SEC61G: variants seen among roughly 807,000 people sequenced by gnomAD.
SEC61G encodes protein transport protein Sec61 subunit gamma.
SEC61G carries 4 observed loss-of-function variants against 7.5 expected under a neutral mutation model. The observed-to-expected ratio is 0.54, with a 90% CI of 0.26 to 1.22. SEC61G has a LOEUF of 1.22. Among genes scored for constraint, SEC61G ranks in the 50% most tolerant of loss-of-function variants. The pLI is 0.12. For missense variants in SEC61G, 53 were observed against 84.6 expected (o/e 0.63, Z 1.46); for synonymous variants, 24 against 24.4 (o/e 0.98, Z 0.05).
At chr7:54,755,728 A>C (rs1208172611) in intron 3 of SEC61G, 51 bp downstream of exon 3, 3 of 1,029,552 alleles carry the variant, frequency 2.9e-6, no homozygotes, top group Non-Finnish European at 4.3e-6. Context: ...TGTCATCTCA[A>C]ATGGTTTTGA....
chr7:54,753,439 T>C (rs1428017795), intron 3 of SEC61G, among the ~76,000 whole-genome samples: 1 of 152,190 alleles, frequency 6.6e-6, no homozygotes, highest in African/African-American at 2.4e-5. Flanking sequence ...TGAATATTAA[T>C]TTTGATTGCT....
intron 3 of SEC61G, among the ~76,000 whole-genome samples, chr7:54,752,865 C>T (rs1791441458): frequency 6.6e-6 from 1 of 152,162 alleles, no homozygotes; most frequent in Non-Finnish European, 1.5e-5. Flanking sequence ...CTGGGTTAGT[C>T]ATGATGAAAA....
Position 54,759,193 on chromosome 7 carries a change from A to T in SEC61G, c.-42T>A. The T allele has an allele frequency of 3.9e-6, 2 of 519,066 alleles. No homozygotes were observed. The highest frequency in any genetic ancestry group is 2.8e-5 in the South Asian group (2 of 71,592). 32.2% of individuals were successfully genotyped at this position (519,066 alleles called of 1,614,324 possible). A position where few individuals can be genotyped will look rare whatever the true frequency, so the allele number is the denominator to read the frequency against. On this transcript the variant is annotated 5_prime_UTR_variant, in exon 1 of 4. Transcript: ENST00000352861. Reference sequence around the variant, plus strand: ...GACACCTAAAATGCCAGGGACACGTAGCACTGGAGCTTGCTGATGGAGGCC... The same window carrying T: ...GACACCTAAAATGCCAGGGACACGTTGCACTGGAGCTTGCTGATGGAGGCC...
intron 2 of SEC61G, 129 bp downstream of exon 2, chr7:54,757,366 T>A: frequency 1.5e-6 from 1 of 683,186 alleles, no homozygotes; most frequent in Non-Finnish European, 2.4e-6. Flanking sequence ...GTTAAAAAGC[T>A]GTCGCGCAGG....
At chr7:54,756,691 T>C (rs900586370) in intron 2 of SEC61G, among the ~76,000 whole-genome samples, 1 of 152,068 alleles carries the variant, frequency 6.6e-6, no homozygotes, top group Non-Finnish European at 1.5e-5. Context: ...ACTGGTAATG[T>C]TGTCATTTTA....
At position 54,759,194 on chromosome 7, in the gene SEC61G, G is replaced by C; in HGVS notation, c.-43C>G. 1 of 519,084 alleles carries C rather than the reference G, an allele frequency of 1.9e-6. No individual in the cohort carries two copies. The highest frequency in any genetic ancestry group is 3.8e-6 in the Non-Finnish European group (1 of 259,876). The allele number at this position is 519,084 out of a possible 1,614,324, so 32.2% of individuals were successfully genotyped here. A position where few individuals can be genotyped will look rare whatever the true frequency, so the allele number is the denominator to read the frequency against. ...ACACCTAAAATGCCAGGGACACGTA[G>C]CACTGGAGCTTGCTGATGGAGGCCC... On this transcript the variant is annotated 5_prime_UTR_variant, in exon 1 of 4. Transcript: ENST00000352861.
chr7:54,752,990 A>C (rs927040802), intron 3 of SEC61G, among the ~76,000 whole-genome samples: 5 of 152,228 alleles, frequency 3.3e-5, no homozygotes, highest in African/African-American at 1.2e-4. Flanking sequence ...CATTACCAGA[A>C]GAAAATTATA....
rs570274295 is a variant in SEC61G at position 54,759,070 on chromosome 7, C to G, written c.-7+88G>C. 321 of 431,472 alleles carry G rather than the reference C, an allele frequency of 7.4e-4. 4 individuals are homozygous for G. Among genetic ancestry groups the G allele is most frequent in the South Asian group, 4.9e-3 (306 of 62,064 alleles). 26.7% of individuals were successfully genotyped at this position (431,472 alleles called of 1,614,324 possible). A position where few individuals can be genotyped will look rare whatever the true frequency, so the allele number is the denominator to read the frequency against. On this transcript the variant is annotated intron_variant, in intron 1 of 3. Transcript: ENST00000352861. ...CCCGCGACGGCCGCCCGGGGAGACA[C>G]GCCGGCTCGCCCACGCCCGCTGCCC... is the stretch of plus-strand genomic sequence containing the variant.
At chr7:54,756,839 T>C (rs954364195) in intron 2 of SEC61G, among the ~76,000 whole-genome samples, 8 of 151,432 alleles carry the variant, frequency 5.3e-5, no homozygotes, top group Non-Finnish European at 1.2e-4. Context: ...CAATAATTTG[T>C]TTATGACAGT....
chr7:54,752,504 CTT>C, intron 3 of SEC61G, 84 bp from the exon 4 acceptor site: 1 of 826,312 alleles, frequency 1.2e-6, no homozygotes, highest in African/African-American at 1.8e-5. Flanking sequence ...TATGCTATAA[CTT>C]TAACGGCTCA....
rs1425329524 is a variant in SEC61G at position 54,757,556 on chromosome 7, A to G, written c.33T>C (p.Ser11=). The change falls in exon 2 of 4, where the codon AGT becomes AGC. Residue 11 remains serine (S), a synonymous_variant. Coordinates refer to ENST00000352861, the MANE Select transcript of SEC61G (RefSeq NM_014302.4). MDQVMQFVEP[S]RQFVKDSIRL... Reference sequence around the variant, plus strand: ...GAATGGAGTCCTTTACAAACTGCCGACTTGGCTCAACAAACTGCATTACCT... The same window carrying G: ...GAATGGAGTCCTTTACAAACTGCCGGCTTGGCTCAACAAACTGCATTACCT... 1.2e-6 allele frequency: 2 copies of G among 1,614,136 alleles called. No homozygotes were observed. Among genetic ancestry groups the G allele is most frequent in the South Asian group, 1.1e-5 (1 of 91,082 alleles).
intron 3 of SEC61G, among the ~76,000 whole-genome samples, chr7:54,752,888 T>G (rs1791441884): frequency 6.6e-6 from 1 of 152,214 alleles, no homozygotes; most frequent in South Asian, 2.1e-4. Context: ...AAAATCACCT[T>G]TTCTACAGAA....
At chr7:54,755,949 C>T (rs771886363) in intron 2 of SEC61G, 68 bp from the exon 3 acceptor site, 27 of 815,070 alleles carry the variant, frequency 3.3e-5, no homozygotes, top group Non-Finnish European at 5.3e-5. Flanking sequence ...AAAAAACTAT[C>T]AGCAACATAA....
chr7:54,759,190 C>G lies in SEC61G; in HGVS notation c.-39G>C, dbSNP rs1163655991. On this transcript the variant is annotated 5_prime_UTR_variant, in exon 1 of 4. Coordinates refer to ENST00000352861, the MANE Select transcript of SEC61G (RefSeq NM_014302.4). ...ACCGACACCTAAAATGCCAGGGACA[C>G]GTAGCACTGGAGCTTGCTGATGGAG... 1 of 519,058 alleles carries G rather than the reference C, an allele frequency of 1.9e-6. No homozygotes were observed. The highest frequency in any genetic ancestry group is 1.4e-5 in the South Asian group (1 of 71,594). The allele number at this position is 519,058 out of a possible 1,614,324, so 32.2% of individuals were successfully genotyped here.
chr7:54,753,071 C>T (rs1177666277), intron 3 of SEC61G, among the ~76,000 whole-genome samples: 1 of 152,100 alleles, frequency 6.6e-6, no homozygotes, highest in Non-Finnish European at 1.5e-5. Flanking sequence ...AGGCAGATCA[C>T]CTGAGGTCAG....
chr7:54,753,292 CAA>C, intron 3 of SEC61G, among the ~76,000 whole-genome samples: 1 of 150,996 alleles, frequency 6.6e-6, no homozygotes, highest in Non-Finnish European at 1.5e-5. Context: ...GACTCCATCT[CAA>C]AAAAAAGAGA....
At position 54,755,677 on chromosome 7, in the gene SEC61G, A is replaced by G. The variant is rs1583714986; in HGVS notation, c.197+102T>C. On this transcript the variant is annotated intron_variant, in intron 3 of 3. Coordinates refer to ENST00000352861, the MANE Select transcript of SEC61G (RefSeq NM_014302.4). ...TATCAGTAGACTCCAACAGCACTAA[A>G]AAGTCAAGAGATGCATCTCTATATT... 3 of 548,364 alleles carry G rather than the reference A, an allele frequency of 5.5e-6. No homozygotes were observed. In the East Asian group the frequency reaches 9.3e-5, roughly 17 times the overall value. 34.0% of individuals were successfully genotyped at this position (548,364 alleles called of 1,614,324 possible).
intron 2 of SEC61G, among the ~76,000 whole-genome samples, chr7:54,756,967 ATATATAC>A (rs67352168): frequency 0.18 from 26,619 of 147,008 alleles, 2,862 homozygotes; most frequent in South Asian, 0.31. Flanking sequence ...ACTATATACT[ATATATAC>A]TATATACTAT....
rs916997370 is a variant in SEC61G at position 54,758,996 on chromosome 7, G to A, written c.-7+162C>T. On this transcript the variant is annotated intron_variant, in intron 1 of 3. Transcript: ENST00000352861. ...CCGCCAGAGGCCGAGTTGGTGGGATGTCGGCGGCCAGACCCCGGCCCTGAG... is the reference window on the plus strand; with the variant it reads ...CCGCCAGAGGCCGAGTTGGTGGGATATCGGCGGCCAGACCCCGGCCCTGAG... The A allele has an allele frequency of 5.7e-4, 187 of 325,392 alleles. 1 individual carries two copies. Among genetic ancestry groups the A allele is most frequent in the South Asian group, 4.1e-3 (184 of 44,944 alleles). 20.2% of individuals were successfully genotyped at this position (325,392 alleles called of 1,614,324 possible).
Sources: allele counts gnomAD v4.1 joint callset (sites outside exome capture counted in the v4.1 genomes callset), GRCh38; gene constraint gnomAD v4.1.1; transcripts MANE v1.5; gene names NCBI Gene and HGNC (gene_info 2026-07-23, HGNC 2026-07-21).